SGCD: variants seen among roughly 807,000 people sequenced by gnomAD.
SGCD encodes the protein delta-sarcoglycan.
Under a neutral mutation model 36.6 loss-of-function variants are expected in SGCD, and 18 were observed. The ratio of observed to expected loss-of-function variants is 0.49; its 90% CI spans 0.34 to 0.73. The LOEUF is 0.73. Among genes scored for constraint, SGCD ranks in the 30% least tolerant of loss-of-function variants. The pLI is 0.01. For synonymous variants in SGCD, 133 were observed against 130.6 expected (o/e 1.02, Z -0.12); for missense variants, 387 against 346.7 (o/e 1.12, Z -0.92).
intron 1 of SGCD, among the ~76,000 whole-genome samples, chr5:156,065,480 C>T (rs1228013579): frequency 9.8e-6 from 1 of 102,432 alleles, no homozygotes; most frequent in Non-Finnish European, 1.9e-5. Context: ...AGTTCAATTC[C>T]TGGGTATCCT....
chr5:156,059,550 T>C (rs547263580), intron 1 of SGCD, among the ~76,000 whole-genome samples: 1 of 146,658 alleles, frequency 6.8e-6, no homozygotes, highest in African/African-American at 2.4e-5. Context: ...GGGGACCCTA[T>C]GACCAGTGCA....
intron 1 of SGCD, among the ~76,000 whole-genome samples, chr5:156,112,057 A>G (rs1761801983): frequency 6.6e-6 from 1 of 152,094 alleles, no homozygotes. Context: ...TGGGATTACA[A>G]GAGGTGGATT....
At chr5:156,416,062 A>G (rs1773013034) in intron 3 of SGCD, among the ~76,000 whole-genome samples, 1 of 152,198 alleles carries the variant, frequency 6.6e-6, no homozygotes, top group Non-Finnish European at 1.5e-5. Context: ...TCTAATAATC[A>G]TCACTGCACA....
intron 8 of SGCD, 108 bp downstream of exon 8, chr5:156,757,812 G>A: frequency 1.4e-6 from 2 of 1,387,910 alleles, no homozygotes; most frequent in African/African-American, 1.5e-5. Context: ...TCAACAAAAG[G>A]AGCCAAGCAG....
chr5:156,411,272 T>C (rs1772736890), intron 3 of SGCD, among the ~76,000 whole-genome samples: 1 of 152,218 alleles, frequency 6.6e-6, no homozygotes, highest in South Asian at 2.1e-4. Flanking sequence ...AGATGTTCCA[T>C]CTGCTTTGCA....
At chr5:156,267,638 C>G (rs980757203) in intron 3 of SGCD, among the ~76,000 whole-genome samples, 6 of 152,162 alleles carry the variant, frequency 3.9e-5, no homozygotes, top group Non-Finnish European at 8.8e-5. Flanking sequence ...TCCCATCAAG[C>G]CAGCTGCAGG....
chr5:156,757,654 A>G lies in SGCD; in HGVS notation c.649A>G (p.Met217Val), dbSNP rs2113177878. ...GVEINAEAGN[M>V]EATCRTELRL... The stretch of plus-strand genomic sequence containing the variant: ...GGAAATCAATGCAGAAGCTGGCAAT[A>G]TGGAAGCCACCTGCAGGACAGAGCT... The change falls in exon 8 of 9, where the codon ATG becomes GTG. Residue 217 changes from methionine to valine, a missense_variant. Physicochemically the swap from Met to Val is conservative, Grantham distance 21. Coordinates refer to ENST00000337851, the MANE Select transcript of SGCD (RefSeq NM_000337.6). 2 of 1,610,522 alleles carry G rather than the reference A, an allele frequency of 1.2e-6. No homozygotes were observed. Among genetic ancestry groups the G allele is most frequent in the Admixed American group, 1.7e-5 (1 of 59,532 alleles).
the SGCD span, among the ~76,000 whole-genome samples, chr5:155,827,902 GC>G: frequency 6.7e-6 from 1 of 148,186 alleles, no homozygotes; most frequent in East Asian, 2.0e-4. Flanking sequence ...TGTTGGTCAG[GC>G]TGGTCTCGAA....
At chr5:156,268,450 G>A (rs2127668382) in intron 3 of SGCD, among the ~76,000 whole-genome samples, 1 of 152,286 alleles carries the variant, frequency 6.6e-6, no homozygotes, top group South Asian at 2.1e-4. Context: ...GTGACCAATA[G>A]TGTATAAGTG....
At chr5:156,382,987 A>G (rs879289528) in intron 3 of SGCD, among the ~76,000 whole-genome samples, 4 of 152,332 alleles carry the variant, frequency 2.6e-5, no homozygotes, top group Non-Finnish European at 5.9e-5. Context: ...AGCTGTTTCC[A>G]GTGTGTAACA....
rs185709149 is a variant in SGCD, at chr5:156,682,678, C to T, written c.575+35142C>T. Among the ~76,000 whole-genome samples, 11 of 152,294 alleles carry T rather than the reference C, an allele frequency of 7.2e-5. No individual in the cohort carries two copies. In the East Asian group the frequency reaches 7.7e-4, roughly 11 times the overall value. ...TTGGAAATGTAGGAAGAAACCAGCACGTCTAACTGTGAAGAGAGATGGAGG... is the reference window on the plus strand; with the variant it reads ...TTGGAAATGTAGGAAGAAACCAGCATGTCTAACTGTGAAGAGAGATGGAGG... On this transcript the variant is annotated intron_variant, in intron 7 of 8. Coordinates refer to ENST00000337851, the MANE Select transcript of SGCD (RefSeq NM_000337.6).
chr5:156,695,444 A>C (rs1754272333), intron 7 of SGCD, among the ~76,000 whole-genome samples: 1 of 151,954 alleles, frequency 6.6e-6, no homozygotes, highest in South Asian at 2.1e-4. Context: ...AGCCTCCATA[A>C]TTGCATAAGC....
chr5:156,323,586 C>T (rs1033138485), upstream of SGCD, among the ~76,000 whole-genome samples: 11 of 152,112 alleles, frequency 7.2e-5, no homozygotes, highest in African/African-American at 1.4e-4. Flanking sequence ...AATCCTTGCC[C>T]GCATGGAGCT....
chr5:156,406,790 T>TTTTATATA (rs1772432961), intron 3 of SGCD, among the ~76,000 whole-genome samples: 1 of 75,656 alleles, frequency 1.3e-5, no homozygotes, highest in Non-Finnish European at 2.6e-5. Context: ...ATAGGAGATT[T>TTTTATATA]TATATATATA....
chr5:156,133,467 ATG>A, intron 3 of SGCD, among the ~76,000 whole-genome samples: 1 of 152,054 alleles, frequency 6.6e-6, no homozygotes, highest in Non-Finnish European at 1.5e-5. Context: ...TTCTCATTTT[ATG>A]GATGAGGAAA....
At chr5:156,146,225 C>CA (rs1457678973) in intron 3 of SGCD, among the ~76,000 whole-genome samples, 3 of 152,000 alleles carry the variant, frequency 2.0e-5, no homozygotes, top group East Asian at 1.9e-4. Context: ...AAAAACAAAA[C>CA]AAAAAAGGAT....
intron 3 of SGCD, among the ~76,000 whole-genome samples, chr5:156,274,368 G>A (rs1274209130): frequency 1.3e-5 from 2 of 152,022 alleles, no homozygotes; most frequent in East Asian, 3.9e-4. Context: ...CTCAGTCTGA[G>A]TGGCTGTCAT....
At chr5:156,362,158 C>T (rs992364795) in intron 3 of SGCD, among the ~76,000 whole-genome samples, 1 of 152,192 alleles carries the variant, frequency 6.6e-6, no homozygotes, top group African/African-American at 2.4e-5. Context: ...AATGAAGAAG[C>T]AACACACATG....
chr5:156,446,832 C>T (rs755694245), intron 3 of SGCD, among the ~76,000 whole-genome samples: 1 of 152,104 alleles, frequency 6.6e-6, no homozygotes, highest in Non-Finnish European at 1.5e-5. Flanking sequence ...GCTATAAAAT[C>T]GTAGAATTTT....
Sources: allele counts gnomAD v4.1 joint callset (sites outside exome capture counted in the v4.1 genomes callset), GRCh38; gene constraint gnomAD v4.1.1; transcripts MANE v1.5; gene names NCBI Gene and HGNC (gene_info 2026-07-23, HGNC 2026-07-21).